Variants in TBXAS1 observed in about 807,000 individuals in gnomAD.
TBXAS1 encodes the protein thromboxane-A synthase.
A neutral mutation model predicts 60.7 loss-of-function variants in TBXAS1; 48 were observed. The observed-to-expected ratio is 0.79, with a 90% CI of 0.63 to 1.01. TBXAS1 has a LOEUF of 1.01. Among genes scored for constraint, TBXAS1 ranks in the 50% least tolerant of loss-of-function variants. The pLI is 0.00. For missense variants in TBXAS1, 685 were observed against 686.3 expected, an observed-to-expected ratio of 1.00 and a Z score of 0.02; for synonymous variants, 287 against 269.7, an observed-to-expected ratio of 1.06 and a Z score of -0.63.
intron 7 of TBXAS1, among the ~76,000 whole-genome samples, chr7:139,956,327 G>A (rs1584948514): frequency 1.3e-5 from 2 of 152,154 alleles, no homozygotes; most frequent in East Asian, 3.9e-4. Context: ...TGTATTTTTA[G>A]TAGAGAAGGG....
chr7:139,968,727 ATCT>A (rs1229333768), intron 9 of TBXAS1, among the ~76,000 whole-genome samples: 2 of 152,298 alleles, frequency 1.3e-5, no homozygotes, highest in South Asian at 2.1e-4. Flanking sequence ...TCAGTGTAAA[ATCT>A]TCTTTCTCAA....
chr7:139,786,758 G>C (rs1797214567), intron 3 of TBXAS1, among the ~76,000 whole-genome samples: 1 of 152,214 alleles, frequency 6.6e-6, no homozygotes, highest in Admixed American at 6.5e-5. Context: ...TGGTGGTCAT[G>C]TGGCCCAATG....
At chr7:139,893,036 T>C (rs1803766829) in intron 3 of TBXAS1, among the ~76,000 whole-genome samples, 1 of 152,204 alleles carries the variant, frequency 6.6e-6, no homozygotes, top group Non-Finnish European at 1.5e-5. Flanking sequence ...CAGTGCTTTA[T>C]TATTTTTTCC....
rs1233532519 is a variant in TBXAS1, at chr7:139,962,722, T to C, written c.1134+489T>C. On this transcript the variant is annotated intron_variant, in intron 9 of 12. Coordinates refer to ENST00000448866, the MANE Select transcript of TBXAS1 (RefSeq NM_001061.7). The stretch of plus-strand genomic sequence containing the variant: ...GGCTCACAAATGGAATAAGGGAAGA[T>C]GGGGCCCGTCAGCGCCCAGGCCAGC... 3 of 192,704 alleles carry C rather than the reference T, an allele frequency of 1.6e-5. No individual in the cohort carries two copies. The Admixed American group carries it at 1.6e-4, about 10-fold the overall frequency. The allele number at this position is 192,704 out of a possible 1,614,324, so 11.9% of individuals were successfully genotyped here.
intron 1 of TBXAS1, among the ~76,000 whole-genome samples, chr7:139,861,106 G>A (rs1013032969): frequency 3.3e-5 from 5 of 151,112 alleles, no homozygotes; most frequent in African/African-American, 7.3e-5. Flanking sequence ...CCCGGGAGGC[G>A]AAGGTTGCAG....
chr7:139,818,129 T>TG (rs1181001956), intron 4 of TBXAS1, among the ~76,000 whole-genome samples: 1 of 152,162 alleles, frequency 6.6e-6, no homozygotes, highest in Non-Finnish European at 1.5e-5. Context: ...TGAGTAGGAT[T>TG]GGGGTGCTGT....
intron 3 of TBXAS1, among the ~76,000 whole-genome samples, chr7:139,905,200 G>A (rs1163088869): frequency 6.6e-6 from 1 of 151,736 alleles, no homozygotes; most frequent in Admixed American, 6.6e-5. Flanking sequence ...TTCCAGTTCC[G>A]AGAGGGAATG....
intron 9 of TBXAS1, among the ~76,000 whole-genome samples, chr7:140,003,746 C>A (rs1813862507): frequency 6.6e-6 from 1 of 152,098 alleles, no homozygotes; most frequent in South Asian, 2.1e-4. Context: ...GATATAGTTC[C>A]CTATTTTTGT....
intron 5 of TBXAS1, among the ~76,000 whole-genome samples, chr7:139,952,364 C>G (rs1177146934): frequency 6.6e-6 from 1 of 152,162 alleles, no homozygotes; most frequent in Non-Finnish European, 1.5e-5. Flanking sequence ...AATGAAGAAA[C>G]AGACTAAGAT....
chr7:140,012,156 G>A (rs1208311642), intron 10 of TBXAS1, among the ~76,000 whole-genome samples: 7 of 152,176 alleles, frequency 4.6e-5, no homozygotes, highest in East Asian at 1.9e-4. Flanking sequence ...CCTTGACAGA[G>A]GGTGTGACCA....
rs1320248106 is a variant in TBXAS1 at position 139,896,571 on chromosome 7, G to A, written c.237-14654G>A. 6.6e-6 allele frequency among the ~76,000 whole-genome samples: 1 copy of A among 152,178 alleles called. No individual in the cohort carries two copies. The highest frequency in any genetic ancestry group is 1.5e-5 in the Non-Finnish European group (1 of 68,036). ...TGACAAATACAGCAACATCTGTCAG[G>A]CACTGTAGGAACTGCTTTCAGTTTA... On this transcript the variant is annotated intron_variant, in intron 3 of 12. Coordinates refer to ENST00000448866, the MANE Select transcript of TBXAS1 (RefSeq NM_001061.7). This position sits in a 1 kb window ranked among gnomAD's most constrained non-coding sequence, Gnocchi z 4.0.
chr7:139,874,208 G>A (rs1802043664), intron 2 of TBXAS1, among the ~76,000 whole-genome samples: 1 of 152,096 alleles, frequency 6.6e-6, no homozygotes, highest in Non-Finnish European at 1.5e-5. Flanking sequence ...TTAGCCCCTT[G>A]AAACAAGTGT....
intron 1 of TBXAS1, among the ~76,000 whole-genome samples, chr7:139,862,979 C>T (rs1252750908): frequency 6.6e-6 from 1 of 152,130 alleles, no homozygotes; most frequent in Non-Finnish European, 1.5e-5. Flanking sequence ...ATGTAGCTGA[C>T]CTGGTTTTAA....
At chr7:139,905,045 T>TCTCTCTCTCTCTCTCTCTC (rs1569511453) in intron 3 of TBXAS1, among the ~76,000 whole-genome samples, 2 of 88,406 alleles carry the variant, frequency 2.3e-5, no homozygotes, top group African/African-American at 1.2e-4. Context: ...CTTTCTTTCT[T>TCTCTCTCTCTCTCTCTCTC]TCTTTCTTTC....
intron 3 of TBXAS1, among the ~76,000 whole-genome samples, chr7:139,894,625 G>A (rs919153883): frequency 6.6e-6 from 1 of 152,170 alleles, no homozygotes; most frequent in Non-Finnish European, 1.5e-5. Flanking sequence ...CCTGTAACTC[G>A]AAATGCAATG....
intron 9 of TBXAS1, among the ~76,000 whole-genome samples, chr7:139,981,408 G>A (rs752281300): frequency 6.6e-6 from 1 of 152,236 alleles, no homozygotes; most frequent in African/African-American, 2.4e-5. Context: ...GAGCCACCAT[G>A]CCCGGCCAGG....
At chr7:140,019,368 G>A (rs1815356927) in intron 12 of TBXAS1, among the ~76,000 whole-genome samples, 2 of 152,082 alleles carry the variant, frequency 1.3e-5, no homozygotes, top group East Asian at 1.9e-4. Context: ...ACTTCCCCAC[G>A]ATCTCAACAT....
intron 9 of TBXAS1, among the ~76,000 whole-genome samples, chr7:139,985,120 A>C (rs1460571640): frequency 1.3e-5 from 2 of 152,198 alleles, no homozygotes; most frequent in African/African-American, 4.8e-5. Flanking sequence ...CTAAGGCAGG[A>C]CTTTCCACGA....
At chr7:139,855,010 TC>T (rs1286723013) in intron 1 of TBXAS1, among the ~76,000 whole-genome samples, 4 of 152,120 alleles carry the variant, frequency 2.6e-5, no homozygotes, top group African/African-American at 9.7e-5. Context: ...AATGTTTGTC[TC>T]CTCCAAAAAT....
Sources: gnomAD v4.1 joint callset for allele counts (sites outside exome capture counted in the v4.1 genomes callset) on GRCh38, gnomAD v4.1.1 for gene constraint, Gnocchi (gnomAD v3.1) non-coding constraint, MANE v1.5 for transcripts, NCBI Gene and HGNC (gene_info 2026-07-23, HGNC 2026-07-21) for gene names.